Variants in PHLPP1 observed in about 807,000 individuals in gnomAD.
The protein encoded by PHLPP1 is PH domain and leucine rich repeat protein phosphatase 1.
In PHLPP1, 42 loss-of-function variants were observed where a neutral mutation model predicts 117.2. The observed-to-expected ratio is 0.36, with a 90% CI of 0.28 to 0.46. The LOEUF (loss-of-function observed/expected upper bound fraction) is 0.46. Among genes scored for constraint, PHLPP1 ranks in the 20% least tolerant of loss-of-function variants. The pLI, the probability that PHLPP1 is intolerant of heterozygous loss-of-function variation, is 1.00. For missense variants in PHLPP1, 2,084 were observed against 2,241.9 expected (o/e 0.93, Z 1.42); for synonymous variants, 1,042 against 970.7 (o/e 1.07, Z -1.37).
At chr18:62,782,593 TTAACTA>T (rs1316583650) in intron 1 of PHLPP1, among the ~76,000 whole-genome samples, 1 of 152,240 alleles carries the variant, frequency 6.6e-6, no homozygotes, top group African/African-American at 2.4e-5. Context: ...ATCTTTTATA[TTAACTA>T]TAAGTGTTAT....
intron 1 of PHLPP1, among the ~76,000 whole-genome samples, chr18:62,793,629 T>C (rs1913530454): frequency 6.6e-6 from 1 of 152,238 alleles, no homozygotes; most frequent in Non-Finnish European, 1.5e-5. Flanking sequence ...TTAGGCACTA[T>C]ACCAAATACT....
intron 1 of PHLPP1, 93 bp downstream of exon 1, chr18:62,717,352 G>GT: frequency 6.8e-7 from 1 of 1,479,440 alleles, no homozygotes. Flanking sequence ...CAACCCAAGA[G>GT]TAAGTGCGGG....
chr18:62,801,513 C>T (rs932797555), intron 1 of PHLPP1, among the ~76,000 whole-genome samples: 15 of 152,070 alleles, frequency 9.9e-5, no homozygotes, highest in African/African-American at 3.1e-4. Context: ...AGTGCAATGG[C>T]GTGATCTTGG....
At chr18:62,731,194 T>G (rs1911214923) in intron 1 of PHLPP1, 1 of 152,168 alleles carries the variant, frequency 6.6e-6, no homozygotes, top group Admixed American at 6.5e-5. Flanking sequence ...TTGCAATATT[T>G]CAAAACTTTT....
chr18:62,753,482 C>G (rs548086368), intron 1 of PHLPP1, among the ~76,000 whole-genome samples: 2 of 152,332 alleles, frequency 1.3e-5, no homozygotes, highest in Non-Finnish European at 2.9e-5. Flanking sequence ...GTTGCACAGG[C>G]ACTTTGCATG....
At chr18:62,854,108 G>C (rs1021349303) in intron 3 of PHLPP1, among the ~76,000 whole-genome samples, 1 of 152,188 alleles carries the variant, frequency 6.6e-6, no homozygotes, top group Non-Finnish European at 1.5e-5. Flanking sequence ...TTAAGCTGGT[G>C]CCCTTTCTCC....
chr18:62,846,861 T>A (rs1568136128), intron 3 of PHLPP1, among the ~76,000 whole-genome samples: 1 of 152,184 alleles, frequency 6.6e-6, no homozygotes, highest in Non-Finnish European at 1.5e-5. Flanking sequence ...TTTACAGATA[T>A]AATTATGCTT....
At chr18:62,839,425 T>C (rs1377263032) in intron 3 of PHLPP1, 1 of 153,288 alleles carries the variant, frequency 6.5e-6, no homozygotes, top group Non-Finnish European at 1.5e-5. Context: ...AAATAATATA[T>C]AGTACTTTTG....
intron 4 of PHLPP1, among the ~76,000 whole-genome samples, chr18:62,893,074 C>T (rs909741174): frequency 1.3e-5 from 2 of 150,652 alleles, no homozygotes; most frequent in African/African-American, 4.9e-5. Context: ...CAGAGTCTCG[C>T]TCTATCGCCC....
intron 1 of PHLPP1, among the ~76,000 whole-genome samples, chr18:62,786,272 C>T (rs376199078): frequency 2.6e-5 from 4 of 152,342 alleles, no homozygotes; most frequent in South Asian, 4.1e-4. Flanking sequence ...CTCCAGCAGA[C>T]GGATGAGTCT....
chr18:62,974,972 A>G (rs1307605097), intron 15 of PHLPP1, among the ~76,000 whole-genome samples: 1 of 152,162 alleles, frequency 6.6e-6, no homozygotes, highest in East Asian at 1.9e-4. Context: ...CTGCTCTTAC[A>G]TACATGGTTT....
intron 4 of PHLPP1, among the ~76,000 whole-genome samples, chr18:62,885,198 T>C (rs189725769): frequency 8.5e-4 from 129 of 152,356 alleles, no homozygotes; most frequent in Non-Finnish European, 1.6e-3. Flanking sequence ...TGTGTATATT[T>C]GTTTCTTTCT....
intron 4 of PHLPP1, among the ~76,000 whole-genome samples, chr18:62,865,607 C>T (rs1375622955): frequency 1.3e-5 from 2 of 152,116 alleles, no homozygotes; most frequent in African/African-American, 2.4e-5. Context: ...CAGAATGGTG[C>T]ATTAGAATTC....
intron 10 of PHLPP1, among the ~76,000 whole-genome samples, chr18:62,924,554 C>T (rs1354251331): frequency 6.6e-6 from 1 of 151,566 alleles, no homozygotes; most frequent in Non-Finnish European, 1.5e-5. Flanking sequence ...TATTACAGGG[C>T]CAGACACAGT....
At chr18:62,850,502 CT>C (rs1192727322) in intron 3 of PHLPP1, among the ~76,000 whole-genome samples, 1 of 152,130 alleles carries the variant, frequency 6.6e-6, no homozygotes, top group Non-Finnish European at 1.5e-5. Context: ...TGGTTCATTT[CT>C]CCTTTGTCAA....
rs368574159 is a variant in PHLPP1 at position 62,972,672 on chromosome 18, A to C, written c.3719A>C (p.Glu1240Ala). Residue 1240 changes from glutamate (E) to alanine (A), a missense_variant, in exon 15 of 17, where the codon GAA becomes GCA. Glu to Ala is a moderately radical substitution (Grantham distance 107). Around this residue, in one of 2 missense-constraint regions of PHLPP1, gnomAD observed 1,365 missense variants for 1,605.9 expected, o/e 0.85. Coordinates refer to ENST00000262719, the MANE Select transcript of PHLPP1 (RefSeq NM_194449.4). ...AEELQKTKNE[E>A]EYMVNTFIVM... ...GAGCTGCAAAAAACAAAAAACGAAG[A>C]AGAATACATGGTCAATACATTCATT... 9.9e-6 allele frequency: 16 copies of C among 1,613,700 alleles called. No individual in the cohort carries two copies. The African/African-American group carries it at 2.1e-4, about 22-fold the overall frequency.
At chr18:62,894,914 T>C (rs917738885) in intron 4 of PHLPP1, 97 bp from the exon 5 acceptor site, 14 of 1,026,338 alleles carry the variant, frequency 1.4e-5, no homozygotes, top group Admixed American at 2.4e-5. Flanking sequence ...TAGTTGAATT[T>C]GGGAGTTGGG....
intron 1 of PHLPP1, among the ~76,000 whole-genome samples, chr18:62,800,326 T>C (rs972208170): frequency 6.6e-6 from 1 of 152,222 alleles, no homozygotes; most frequent in Non-Finnish European, 1.5e-5. Flanking sequence ...GCGTTATAAA[T>C]TAACGCTTTA....
Position 62,903,019 on chromosome 18 carries a change from ACTCAG to A in PHLPP1, c.2503_2507del (p.Gln835Ter). The A allele has an allele frequency of 6.2e-7, 1 of 1,613,202 alleles. No homozygotes were observed. Among genetic ancestry groups the A allele is most frequent in the African/African-American group, 1.3e-5 (1 of 75,016 alleles). ...TGAAGTGGACTTTCTACAGCATGTT[ACTCAG>A]CTTGACCTACGAGACAATAAGCTTG... On this transcript the variant is annotated frameshift_variant, in exon 7 of 17. Coordinates refer to ENST00000262719, the MANE Select transcript of PHLPP1 (RefSeq NM_194449.4). LOFTEE classifies it high-confidence loss of function.
Sources: gnomAD v4.1 joint callset for allele counts (sites outside exome capture counted in the v4.1 genomes callset) on GRCh38, gnomAD v4.1.1 for gene constraint, gnomAD v4.1.1 regional missense constraint, MANE v1.5 for transcripts, NCBI Gene and HGNC (gene_info 2026-07-23, HGNC 2026-07-21) for gene names.